The following DGKB variants were observed in gnomAD, a reference collection of about 807,000 sequenced individuals.
DGKB encodes 90 kDa diacylglycerol kinase.
In DGKB, 67 loss-of-function variants were observed where a neutral mutation model predicts 114.3. The observed-to-expected ratio is 0.59, with a 90% CI of 0.48 to 0.72. DGKB has a LOEUF of 0.72. Among genes scored for constraint, DGKB ranks in the 30% least tolerant of loss-of-function variants. The pLI, the probability that DGKB is intolerant of heterozygous loss-of-function variation, is 0.00. For missense variants in DGKB, 907 were observed against 975.2 expected (o/e 0.93, Z 0.93); for synonymous variants, 398 against 323.1 (o/e 1.23, Z -2.49).
intron 20 of DGKB, among the ~76,000 whole-genome samples, chr7:14,549,425 A>G (rs889569321): frequency 2.6e-5 from 4 of 152,086 alleles, no homozygotes; most frequent in South Asian, 2.1e-4. Context: ...AAAAATTGAT[A>G]TATATTTTCT....
intron 23 of DGKB, among the ~76,000 whole-genome samples, chr7:14,295,413 C>T (rs937191298): frequency 6.6e-6 from 1 of 151,968 alleles, no homozygotes; most frequent in Non-Finnish European, 1.5e-5. Flanking sequence ...AAAGGAGCTT[C>T]GGGGGCCAAA....
At chr7:14,819,908 G>C (rs1229709010) in intron 2 of DGKB, among the ~76,000 whole-genome samples, 1 of 152,152 alleles carries the variant, frequency 6.6e-6, no homozygotes, top group African/African-American at 2.4e-5. Flanking sequence ...GAATTCCAGA[G>C]ACCAAGATTG....
intron 2 of DGKB, among the ~76,000 whole-genome samples, chr7:14,792,400 A>G (rs1014757997): frequency 1.3e-5 from 2 of 152,174 alleles, no homozygotes; most frequent in African/African-American, 2.4e-5. Flanking sequence ...AAGGGAATAG[A>G]TAATATCTCT....
At chr7:14,913,674 T>C (rs893280396) in intron 1 of DGKB, among the ~76,000 whole-genome samples, 1 of 151,854 alleles carries the variant, frequency 6.6e-6, no homozygotes, top group Non-Finnish European at 1.5e-5. Flanking sequence ...ACGGAAGTTT[T>C]TCCTGGGGTA....
At chr7:14,239,248 G>C (rs1389187996) in intron 23 of DGKB, among the ~76,000 whole-genome samples, 1 of 151,982 alleles carries the variant, frequency 6.6e-6, no homozygotes, top group East Asian at 1.9e-4. Flanking sequence ...AAAAAGTGCA[G>C]TTGGAACATC....
chr7:14,462,721 C>T (rs544098347), intron 21 of DGKB, among the ~76,000 whole-genome samples: 1 of 152,206 alleles, frequency 6.6e-6, no homozygotes, highest in Admixed American at 6.5e-5. Context: ...TGACTTTTCT[C>T]ACAGAATTAG....
rs1285210329 is a variant in DGKB at position 14,720,471 on chromosome 7, ATTTG to A, written c.323-1790_323-1787del. Among the ~76,000 whole-genome samples, 36 of 104,208 alleles carry A rather than the reference ATTTG, an allele frequency of 3.5e-4. 1 individual carries two copies. Among genetic ancestry groups the A allele is most frequent in the African/African-American group, 1.0e-3 (23 of 22,214 alleles). The allele number at this position is 104,208 out of a possible 152,430, so 68.4% of individuals were successfully genotyped here. A position where few individuals can be genotyped will look rare whatever the true frequency, so the allele number is the denominator to read the frequency against. ...TGGTGCGGGACACCACGCCCGGCTG[ATTTG>A]TGTGTGTGTGTGTGTGTGTGTGTGT... On this transcript the variant is annotated intron_variant, in intron 5 of 25. Coordinates refer to ENST00000402815, the MANE Select transcript of DGKB (RefSeq NM_001350709.2).
At chr7:14,684,734 C>G (rs2128974475) in intron 10 of DGKB, among the ~76,000 whole-genome samples, 1 of 152,184 alleles carries the variant, frequency 6.6e-6, no homozygotes, top group Admixed American at 6.5e-5. Context: ...TTTCTGTTAG[C>G]ATTGAAAATA....
intron 20 of DGKB, among the ~76,000 whole-genome samples, chr7:14,495,238 A>C (rs988049676): frequency 2.0e-5 from 3 of 151,806 alleles, no homozygotes; most frequent in African/African-American, 7.2e-5. Flanking sequence ...AAAGAGAATA[A>C]TGGTCAACAA....
chr7:14,545,930 C>T (rs12667053), intron 20 of DGKB, among the ~76,000 whole-genome samples: 5,880 of 152,284 alleles, frequency 0.039, 200 homozygotes, highest in East Asian at 0.2. Context: ...CTGCACAGAA[C>T]TCACAGGGAC....
rs145313197 is a variant in DGKB, at chr7:14,618,387, A to T, written c.1284+2991T>A. 7.1e-4 allele frequency among the ~76,000 whole-genome samples: 107 copies of T among 151,722 alleles called. No individual in the cohort carries two copies. In the East Asian group the frequency reaches 0.017, roughly 24 times the overall value. On this transcript the variant is annotated intron_variant, in intron 15 of 25. Coordinates refer to ENST00000402815, the MANE Select transcript of DGKB (RefSeq NM_001350709.2). ...TCTTTCTCGTGCTAAAAGTGTTACAAACTAGATTCGTTACTTCTTAAATGA... is the reference window on the plus strand; with the variant it reads ...TCTTTCTCGTGCTAAAAGTGTTACATACTAGATTCGTTACTTCTTAAATGA...
intron 2 of DGKB, among the ~76,000 whole-genome samples, chr7:14,828,412 T>C (rs1007414479): frequency 6.6e-6 from 1 of 152,126 alleles, no homozygotes; most frequent in Non-Finnish European, 1.5e-5. Flanking sequence ...TCATACGATG[T>C]GTCTTATTGA....
chr7:14,496,260 T>G (rs573929337), intron 20 of DGKB, among the ~76,000 whole-genome samples: 37 of 151,866 alleles, frequency 2.4e-4, no homozygotes, highest in Non-Finnish European at 4.6e-4. Flanking sequence ...TGGTCAAACT[T>G]ATAATAATTG....
rs1240555759 is a variant in DGKB, at chr7:14,814,764, G to A, written c.70+26430C>T. Among the ~76,000 whole-genome samples the A allele has an allele frequency of 2.0e-5, 3 of 149,808 alleles. No homozygotes were observed. In the South Asian group the frequency reaches 6.4e-4, roughly 32 times the overall value. On this transcript the variant is annotated intron_variant, in intron 2 of 25. Coordinates refer to ENST00000402815, the MANE Select transcript of DGKB (RefSeq NM_001350709.2). The stretch of plus-strand genomic sequence containing the variant: ...TTTAGATTACTTGCTTAAGGTGCTT[G>A]TAAATGTTTTCTTTATCCTTCAAAT...
intron 23 of DGKB, among the ~76,000 whole-genome samples, chr7:14,210,170 T>G (rs1025271917): frequency 2.0e-4 from 31 of 152,194 alleles, no homozygotes; most frequent in African/African-American, 6.7e-4. Flanking sequence ...TCTGCCTGCA[T>G]CAGATTATCT....
At chr7:14,503,580 G>A (rs958490869) in intron 20 of DGKB, among the ~76,000 whole-genome samples, 2 of 152,182 alleles carry the variant, frequency 1.3e-5, no homozygotes, top group Non-Finnish European at 2.9e-5. Flanking sequence ...TTAAAAAATT[G>A]TAGAAATAAA....
At chr7:14,973,527 GTT>G (rs11300261) in intron 1 of DGKB, among the ~76,000 whole-genome samples, 265 of 137,310 alleles carry the variant, frequency 1.9e-3, no homozygotes, top group African/African-American at 6.7e-3. Flanking sequence ...TTGTTTTTTT[GTT>G]TTTTTTTTCT....
intron 25 of DGKB, among the ~76,000 whole-genome samples, chr7:14,172,158 A>G (rs906598247): frequency 6.6e-6 from 1 of 152,200 alleles, no homozygotes; most frequent in African/African-American, 2.4e-5. Flanking sequence ...TTGTTTGGAC[A>G]AGAGGGAAGC....
chr7:14,506,802 G>A (rs1231955754), intron 20 of DGKB, among the ~76,000 whole-genome samples: 1 of 152,134 alleles, frequency 6.6e-6, no homozygotes, highest in Non-Finnish European at 1.5e-5. Context: ...AAGGCTGCTG[G>A]TACTCCTTGA....
Sources: allele counts gnomAD v4.1 joint callset (sites outside exome capture counted in the v4.1 genomes callset), GRCh38; gene constraint gnomAD v4.1.1; transcripts MANE v1.5; gene names NCBI Gene and HGNC (gene_info 2026-07-23, HGNC 2026-07-21).